The following CTTNBP2 variants were observed in gnomAD, a reference collection of about 807,000 sequenced individuals.
CTTNBP2 encodes the protein cortactin-binding protein 2.
Under a neutral mutation model 156.9 loss-of-function variants are expected in CTTNBP2, and 108 were observed. The ratio of observed to expected loss-of-function variants is 0.69; its 90% CI spans 0.59 to 0.81. CTTNBP2 has a LOEUF of 0.81. Among genes scored for constraint, CTTNBP2 ranks in the 30% least tolerant of loss-of-function variants. The pLI, the probability that CTTNBP2 is intolerant of heterozygous loss-of-function variation, is 0.00. For synonymous variants in CTTNBP2, 767 were observed against 751.8 expected (o/e 1.02, Z -0.33); for missense variants, 1,924 against 2,035.4 (o/e 0.95, Z 1.05).
chr7:117,753,331 G>T (rs956144395), intron 12 of CTTNBP2, among the ~76,000 whole-genome samples: 2 of 152,170 alleles, frequency 1.3e-5, no homozygotes, highest in African/African-American at 4.8e-5. Context: ...AACCACTGTG[G>T]AAGACAGTGT....
intron 14 of CTTNBP2, among the ~76,000 whole-genome samples, chr7:117,742,624 A>T (rs1052604334): frequency 7.9e-5 from 12 of 152,162 alleles, no homozygotes; most frequent in African/African-American, 2.7e-4. Flanking sequence ...GGAGGCATAA[A>T]GTAAGATGGT....
rs1243162731 is a variant in CTTNBP2 at position 117,777,694 on chromosome 7, A to G, written c.2595T>C (p.His865=). ...NVDSLKLLMY[H]RIPAHGNSFN... ...AAGAATTTCCATGAGCTGGTATTCTATGGTACATAAGAAGCTTGAGGCTGT... is the reference window on the plus strand; with the variant it reads ...AAGAATTTCCATGAGCTGGTATTCTGTGGTACATAAGAAGCTTGAGGCTGT... Residue 865 remains histidine, a synonymous_variant, in exon 8 of 23, where the codon CAT becomes CAC. Transcript: ENST00000160373. 6.8e-6 allele frequency: 11 copies of G among 1,613,934 alleles called. No homozygotes were observed. Among genetic ancestry groups the G allele is most frequent in the South Asian group, 2.2e-5 (2 of 91,084 alleles).
At chr7:117,859,503 T>A (rs745875863) in intron 2 of CTTNBP2, among the ~76,000 whole-genome samples, 23 of 151,836 alleles carry the variant, frequency 1.5e-4, no homozygotes, top group African/African-American at 2.4e-4. Flanking sequence ...GACCAAAAAA[T>A]ATATATATAT....
chr7:117,830,639 C>G (rs6965163), intron 2 of CTTNBP2, among the ~76,000 whole-genome samples: 107,737 of 152,074 alleles, frequency 0.71, 38,904 homozygotes, highest in African/African-American at 0.86. Flanking sequence ...GGAGGGAGAA[C>G]AGACCCAAGA....
At chr7:117,863,052 G>A (rs1803879007) in intron 1 of CTTNBP2, among the ~76,000 whole-genome samples, 1 of 152,160 alleles carries the variant, frequency 6.6e-6, no homozygotes, top group Non-Finnish European at 1.5e-5. Context: ...AGTATACATA[G>A]CAAAGACAAT....
chr7:117,835,421 C>T (rs1186557985), intron 2 of CTTNBP2, among the ~76,000 whole-genome samples: 2 of 152,190 alleles, frequency 1.3e-5, no homozygotes, highest in African/African-American at 4.8e-5. Flanking sequence ...CAAGGCTCAG[C>T]CAATCACAGC....
chr7:117,773,971 T>C (rs1315895705), intron 8 of CTTNBP2, among the ~76,000 whole-genome samples: 1 of 152,186 alleles, frequency 6.6e-6, no homozygotes, highest in African/African-American at 2.4e-5. Context: ...TCTCTGGGTA[T>C]ATGAACTTCA....
intron 2 of CTTNBP2, among the ~76,000 whole-genome samples, chr7:117,822,469 T>C (rs934385943): frequency 3.9e-5 from 6 of 152,224 alleles, no homozygotes; most frequent in African/African-American, 1.4e-4. Flanking sequence ...CCATAGGTCA[T>C]TGATTTTACA....
chr7:117,843,378 G>C (rs868290489), intron 2 of CTTNBP2, among the ~76,000 whole-genome samples: 5 of 152,286 alleles, frequency 3.3e-5, no homozygotes, highest in Middle Eastern at 3.4e-3. Context: ...ATGTAGTGTA[G>C]ACAGGAGTTC....
At chr7:117,832,490 A>C (rs1488726106) in intron 2 of CTTNBP2, among the ~76,000 whole-genome samples, 1 of 152,084 alleles carries the variant, frequency 6.6e-6, no homozygotes, top group Non-Finnish European at 1.5e-5. Flanking sequence ...ACCCTCACCA[A>C]GCAAGTTCTT....
chr7:117,786,162 C>T (rs1170035445), intron 4 of CTTNBP2, among the ~76,000 whole-genome samples: 1 of 152,068 alleles, frequency 6.6e-6, no homozygotes, highest in Non-Finnish European at 1.5e-5. Flanking sequence ...GCCAATTATA[C>T]AAATGAAACT....
intron 12 of CTTNBP2, among the ~76,000 whole-genome samples, chr7:117,754,442 A>T (rs34029089): frequency 2.0e-5 from 3 of 152,302 alleles, no homozygotes; most frequent in African/African-American, 7.2e-5. Flanking sequence ...AGGCCAGGCA[A>T]TGTGTCTTAT....
chr7:117,779,321 C>T (rs1798274527), intron 7 of CTTNBP2, among the ~76,000 whole-genome samples: 1 of 152,118 alleles, frequency 6.6e-6, no homozygotes, highest in Non-Finnish European at 1.5e-5. Context: ...TATTTTCTAT[C>T]CTCTTTTGAT....
chr7:117,777,908 C>G lies in CTTNBP2; in HGVS notation c.2524-143G>C. ...GGCATTCCAATCCTGAACATTATCA[C>G]TGATGAGCTGGGTAAAGTTCTCTGA... On this transcript the variant is annotated intron_variant, in intron 7 of 22. Coordinates refer to ENST00000160373, the MANE Select transcript of CTTNBP2 (RefSeq NM_033427.3). The G allele has an allele frequency of 8.1e-6, 6 of 741,122 alleles. No homozygotes were observed. The South Asian group carries it at 1.1e-4, about 14-fold the overall frequency. 45.9% of individuals were successfully genotyped at this position (741,122 alleles called of 1,614,324 possible).
chr7:117,797,398 C>T (rs1040043082), intron 3 of CTTNBP2, among the ~76,000 whole-genome samples: 17 of 152,140 alleles, frequency 1.1e-4, no homozygotes, highest in African/African-American at 4.8e-5. Context: ...TCATATCATC[C>T]TCAGTGTTCA....
rs1234464093 is a variant in CTTNBP2 at position 117,773,707 on chromosome 7, A to ACACC, written c.2778+3803_2778+3804insGGTG. Among the ~76,000 whole-genome samples, 193 of 129,024 alleles carry ACACC rather than the reference A, an allele frequency of 1.5e-3. 1 individual carries two copies. The highest frequency in any genetic ancestry group is 2.1e-3 in the Non-Finnish European group (133 of 63,232). 84.6% of individuals were successfully genotyped at this position (129,024 alleles called of 152,430 possible). The stretch of plus-strand genomic sequence containing the variant: ...CACACACACACACACACACACACAC[A>ACACC]CCCCAAAAAACAAAAAGCAGAAAAA... On this transcript the variant is annotated intron_variant, in intron 8 of 22. Transcript: ENST00000160373.
chr7:117,729,023 C>G (rs1795257046), intron 16 of CTTNBP2, among the ~76,000 whole-genome samples: 1 of 152,188 alleles, frequency 6.6e-6, no homozygotes. Flanking sequence ...CCCCAGCTGC[C>G]TCATCAAGAC....
chr7:117,822,634 A>G (rs1323688506), intron 2 of CTTNBP2, among the ~76,000 whole-genome samples: 2 of 152,182 alleles, frequency 1.3e-5, no homozygotes, highest in Admixed American at 1.3e-4. Context: ...CACATGATAT[A>G]TATATTTTTA....
intron 2 of CTTNBP2, among the ~76,000 whole-genome samples, chr7:117,826,493 T>C (rs377464730): frequency 1.3e-4 from 20 of 152,178 alleles, no homozygotes; most frequent in East Asian, 7.7e-4. Context: ...ATAAATGTTT[T>C]TCAGCTTTCA....
Sources: allele counts gnomAD v4.1 joint callset (sites outside exome capture counted in the v4.1 genomes callset), GRCh38; gene constraint gnomAD v4.1.1; transcripts MANE v1.5; gene names NCBI Gene and HGNC (gene_info 2026-07-23, HGNC 2026-07-21).